CIRSR: variants seen among roughly 807,000 people sequenced by gnomAD.
CIRSR encodes the protein CBF1 (RBPJ) interacting corepressor 1.
chr2:174,379,716 C>CTTTTTT, the CIRSR span, among the ~76,000 whole-genome samples: 204 of 83,718 alleles, frequency 2.4e-3, 1 homozygote, highest in African/African-American at 3.0e-3. Context: ...TGATTCCTGT[C>CTTTTTT]TTTTTTTTTT....
the CIRSR span, among the ~76,000 whole-genome samples, chr2:174,357,908 T>C: frequency 6.6e-6 from 1 of 152,162 alleles, no homozygotes; most frequent in African/African-American, 2.4e-5. Flanking sequence ...TTATGTATGA[T>C]TTTCTAAAGG....
chr2:174,364,891 T>C, the CIRSR span, among the ~76,000 whole-genome samples: 1 of 152,236 alleles, frequency 6.6e-6, no homozygotes, highest in Admixed American at 6.5e-5. Context: ...ACTTCTGACA[T>C]GCTCTGGAGA....
At chr2:174,376,284 A>C in the CIRSR span, among the ~76,000 whole-genome samples, 2 of 152,242 alleles carry the variant, frequency 1.3e-5, no homozygotes, top group Non-Finnish European at 2.9e-5. Flanking sequence ...AGAGAAAAAG[A>C]ATCACTAATA....
chr2:174,373,000 C>T, the CIRSR span, among the ~76,000 whole-genome samples: 1 of 152,086 alleles, frequency 6.6e-6, no homozygotes, highest in Non-Finnish European at 1.5e-5. Context: ...TTTAAAGAAA[C>T]AGAAAAATGT....
the CIRSR span, among the ~76,000 whole-genome samples, chr2:174,388,623 A>AAT: frequency 6.6e-3 from 992 of 151,198 alleles, 5 homozygotes; most frequent in Non-Finnish European, 8.8e-3. Context: ...AAGATGTTCT[A>AAT]ATATATATAT....
the CIRSR span, among the ~76,000 whole-genome samples, chr2:174,389,868 G>A: frequency 6.6e-6 from 1 of 152,228 alleles, no homozygotes; most frequent in African/African-American, 2.4e-5. Flanking sequence ...CAGCTTCCAT[G>A]TGATGTTGGG....
At chr2:174,365,459 A>G in the CIRSR span, among the ~76,000 whole-genome samples, 1 of 151,936 alleles carries the variant, frequency 6.6e-6, no homozygotes, top group Non-Finnish European at 1.5e-5. Context: ...GCAACACCTC[A>G]CTCTATTGGT....
At chr2:174,363,470 G>A in the CIRSR span, among the ~76,000 whole-genome samples, 1 of 152,102 alleles carries the variant, frequency 6.6e-6, no homozygotes, top group African/African-American at 2.4e-5. Context: ...CACCTTACAG[G>A]CCTGTTTACC....
At chr2:174,369,854 C>A in the CIRSR span, 1 of 1,092,162 alleles carries the variant, frequency 9.2e-7, no homozygotes, top group Non-Finnish European at 1.2e-6. Flanking sequence ...GATCACTGAG[C>A]ACAGATCACC....
chr2:174,354,767 TATA>T, the CIRSR span, among the ~76,000 whole-genome samples: 1 of 69,216 alleles, frequency 1.4e-5, no homozygotes, highest in African/African-American at 4.0e-5. Context: ...TATATATATA[TATA>T]TTTTTTTTTT....
chr2:174,355,696 T>C, the CIRSR span, among the ~76,000 whole-genome samples: 1 of 152,224 alleles, frequency 6.6e-6, no homozygotes, highest in African/African-American at 2.4e-5. Context: ...GCGCTTAATC[T>C]ACTCACTAAG....
At chr2:174,380,154 T>C in the CIRSR span, 7 of 1,302,546 alleles carry the variant, frequency 5.4e-6, no homozygotes, top group Non-Finnish European at 7.5e-6. Context: ...TAAAGATACA[T>C]TTATTAAATA....
the CIRSR span, among the ~76,000 whole-genome samples, chr2:174,354,721 T>G: frequency 3.8e-5 from 4 of 104,908 alleles, no homozygotes; most frequent in East Asian, 9.2e-4. Flanking sequence ...ATATAATATA[T>G]ATTATATAAT....
the CIRSR span, chr2:174,349,039 T>TAGAGGA: frequency 1.9e-6 from 3 of 1,597,926 alleles, no homozygotes; most frequent in East Asian, 6.7e-5. Flanking sequence ...GAAGTCTCAG[T>TAGAGGA]AGAGGAAGAG....
chr2:174,351,717 T>C, the CIRSR span: 9 of 1,611,604 alleles, frequency 5.6e-6, no homozygotes, highest in African/African-American at 1.3e-5. Flanking sequence ...GAGGGGTGCA[T>C]CGATGGCCCT....
At chr2:174,392,663 T>G in the CIRSR span, among the ~76,000 whole-genome samples, 1 of 151,230 alleles carries the variant, frequency 6.6e-6, no homozygotes, top group Non-Finnish European at 1.5e-5. Context: ...GATAAAGGAG[T>G]GATGGGAAAA....
chr2:174,372,294 G>C, the CIRSR span, among the ~76,000 whole-genome samples: 1 of 152,054 alleles, frequency 6.6e-6, no homozygotes, highest in African/African-American at 2.4e-5. Flanking sequence ...AAGCCAAAAA[G>C]ATGAAATTAA....
the CIRSR span, among the ~76,000 whole-genome samples, chr2:174,389,133 A>G: frequency 6.6e-6 from 1 of 152,204 alleles, no homozygotes; most frequent in African/African-American, 2.4e-5. Context: ...CTAAAAGGAT[A>G]CCCGAAAATG....
the CIRSR span, among the ~76,000 whole-genome samples, chr2:174,375,406 G>C: frequency 6.6e-6 from 1 of 152,108 alleles, no homozygotes; most frequent in African/African-American, 2.4e-5. Flanking sequence ...TCAGGAGTTT[G>C]AGACCAGCCT....
Sources: allele counts gnomAD v4.1 joint callset (sites outside exome capture counted in the v4.1 genomes callset), GRCh38; gene constraint gnomAD v4.1.1; transcripts MANE v1.5; gene names NCBI Gene and HGNC (gene_info 2026-07-23, HGNC 2026-07-21).